PTPRG: variants seen among roughly 807,000 people sequenced by gnomAD.
The protein encoded by PTPRG is receptor-type tyrosine-protein phosphatase gamma.
A neutral mutation model predicts 165.3 loss-of-function variants in PTPRG; 102 were observed. The observed-to-expected ratio is 0.62, with a 90% CI of 0.53 to 0.73. PTPRG has a LOEUF of 0.73. PTPRG is among the 30% of genes least tolerant of loss of function. The pLI, the probability that PTPRG is intolerant of heterozygous loss-of-function variation, is 0.00. For missense variants in PTPRG, 1,866 were observed against 1,861.4 expected (o/e 1.00, Z -0.05); for synonymous variants, 675 against 669.5 (o/e 1.01, Z -0.13).
chr3:61,677,191 G>A (rs1181285115), intron 1 of PTPRG, among the ~76,000 whole-genome samples: 1 of 145,562 alleles, frequency 6.9e-6, no homozygotes, highest in Non-Finnish European at 1.5e-5. Context: ...GTTGCAGTGA[G>A]CCCAGATCGC....
At position 61,794,244 on chromosome 3, in the gene PTPRG, TG is replaced by T. The variant is rs375819376; in HGVS notation, c.190+45268del. 2.5e-4 allele frequency among the ~76,000 whole-genome samples: 38 copies of T among 152,280 alleles called. 1 individual carries two copies. In the South Asian group the frequency reaches 6.8e-3, roughly 27 times the overall value. On this transcript the variant is annotated intron_variant, in intron 2 of 29. Transcript: ENST00000474889. ...TGTATAATTATTATGGACTTGTGTG[TG>T]GGGGGTATCTTTTTCTTAAGGATGT...
chr3:62,068,593 A>C (rs1701098712), intron 4 of PTPRG, among the ~76,000 whole-genome samples: 1 of 152,172 alleles, frequency 6.6e-6, no homozygotes, highest in Admixed American at 6.5e-5. Flanking sequence ...CTCCTGCCTC[A>C]GCCTCCTGAG....
Position 62,203,980 on chromosome 3 carries a change from C to T in PTPRG, c.2155+30C>T, listed in dbSNP as rs770062260. 7 of 1,522,200 alleles carry T rather than the reference C, an allele frequency of 4.6e-6. No homozygotes were observed. The highest frequency in any genetic ancestry group is 4.4e-6 in the Non-Finnish European group (5 of 1,134,152). 94.3% of individuals were successfully genotyped at this position (1,522,200 alleles called of 1,614,324 possible). ...GTGGTGCAGGTCTTCTTCGAGGGTT[C>T]CTGCTCCTGTGAATAGTCGTACCCT... On this transcript the variant is annotated intron_variant, in intron 12 of 29. Coordinates refer to ENST00000474889, the MANE Select transcript of PTPRG (RefSeq NM_002841.4). This position sits in a 1 kb window ranked among gnomAD's most constrained non-coding sequence, Gnocchi z 6.4.
chr3:61,653,330 T>TC (rs1318910939), intron 1 of PTPRG, among the ~76,000 whole-genome samples: 1 of 152,188 alleles, frequency 6.6e-6, no homozygotes, highest in Non-Finnish European at 1.5e-5. Context: ...CCTTTTTTTT[T>TC]CCAGCATGGT....
intron 5 of PTPRG, among the ~76,000 whole-genome samples, chr3:62,123,685 T>A (rs1280989312): frequency 6.6e-6 from 1 of 152,110 alleles, no homozygotes; most frequent in African/African-American, 2.4e-5. Context: ...GAAATAGACA[T>A]CTCTGCCACT....
intron 1 of PTPRG, among the ~76,000 whole-genome samples, chr3:61,646,875 G>A (rs187566401): frequency 1.2e-4 from 19 of 152,166 alleles, no homozygotes; most frequent in South Asian, 6.2e-4. Flanking sequence ...GAAATCATAC[G>A]GTACATAACC....
rs146404315 is a variant in PTPRG at position 61,950,986 on chromosome 3, C to T, written c.191-38639C>T. On this transcript the variant is annotated intron_variant, in intron 2 of 29. Coordinates refer to ENST00000474889, the MANE Select transcript of PTPRG (RefSeq NM_002841.4). Reference sequence around the variant, plus strand: ...CCCAAGACATGCCATCGCTCCCTTTCAGCCCATTGGCTCTGTGGAATTTTC... The same window carrying T: ...CCCAAGACATGCCATCGCTCCCTTTTAGCCCATTGGCTCTGTGGAATTTTC... Among the ~76,000 whole-genome samples the T allele has an allele frequency of 1.2e-4, 18 of 152,332 alleles. No homozygotes were observed. In the East Asian group the frequency reaches 3.5e-3, roughly 29 times the overall value.
At position 62,039,245 on chromosome 3, in the gene PTPRG, G is replaced by GT. The variant is rs11346667; in HGVS notation, c.519+35759dup. ...CCACCACCCCTAGCCAAGAGTTATG[G>GT]TTTTTTTTTTTGGTTTTGTTTTTGT... On this transcript the variant is annotated intron_variant, in intron 4 of 29. Transcript: ENST00000474889. Among the ~76,000 whole-genome samples, 100 of 144,626 alleles carry GT rather than the reference G, an allele frequency of 6.9e-4. 1 individual carries two copies. Among genetic ancestry groups the GT allele is most frequent in the East Asian group, 2.9e-3 (14 of 4,878 alleles). The allele number at this position is 144,626 out of a possible 152,430, so 94.9% of individuals were successfully genotyped here.
chr3:62,004,723 C>T (rs2041255099), intron 4 of PTPRG, among the ~76,000 whole-genome samples: 1 of 152,182 alleles, frequency 6.6e-6, no homozygotes. Flanking sequence ...AGTAACAGTT[C>T]CAGCCGATGG....
intron 1 of PTPRG, among the ~76,000 whole-genome samples, chr3:61,728,383 A>T (rs1030950977): frequency 1.3e-5 from 2 of 152,178 alleles, no homozygotes; most frequent in Admixed American, 1.3e-4. Context: ...GGAGCTCAAG[A>T]CCAGCCTGGT....
intron 8 of PTPRG, among the ~76,000 whole-genome samples, chr3:62,187,926 G>C (rs562598353): frequency 1.3e-5 from 2 of 152,162 alleles, no homozygotes; most frequent in Non-Finnish European, 2.9e-5. Context: ...TCCTGTTAGA[G>C]CGAGGCCAGA....
intron 28 of PTPRG, among the ~76,000 whole-genome samples, chr3:62,284,200 C>T (rs1402776537): frequency 6.6e-6 from 1 of 151,980 alleles, no homozygotes; most frequent in African/African-American, 2.4e-5. Context: ...CAGTAATGCA[C>T]CTAATCTTAT....
chr3:62,083,092 T>A (rs1701633477), intron 5 of PTPRG, among the ~76,000 whole-genome samples: 1 of 152,220 alleles, frequency 6.6e-6, no homozygotes, highest in Admixed American at 6.5e-5. Context: ...AATAAATACT[T>A]GTTTAGTTGA....
chr3:62,112,615 A>G (rs1287481710), intron 5 of PTPRG, among the ~76,000 whole-genome samples: 1 of 152,244 alleles, frequency 6.6e-6, no homozygotes, highest in East Asian at 1.9e-4. Context: ...TGAGGAACAG[A>G]TTGCTTCTAG....
intron 6 of PTPRG, among the ~76,000 whole-genome samples, chr3:62,136,615 G>A (rs1193122297): frequency 6.6e-6 from 1 of 152,204 alleles, no homozygotes; most frequent in African/African-American, 2.4e-5. Context: ...CCCACGTGTT[G>A]TGGGAGGGAC....
At chr3:61,807,563 A>T (rs2035452714) in intron 2 of PTPRG, among the ~76,000 whole-genome samples, 1 of 152,162 alleles carries the variant, frequency 6.6e-6, no homozygotes, top group African/African-American at 2.4e-5. Context: ...TAGTTAGCTG[A>T]ATTTTATATT....
intron 4 of PTPRG, among the ~76,000 whole-genome samples, chr3:62,012,911 G>T (rs548186059): frequency 6.6e-6 from 1 of 152,140 alleles, no homozygotes; most frequent in Non-Finnish European, 1.5e-5. Flanking sequence ...GTGCAAAAGG[G>T]TATACTTTTT....
chr3:61,663,744 C>T (rs1447491703), intron 1 of PTPRG, among the ~76,000 whole-genome samples: 7 of 152,174 alleles, frequency 4.6e-5, no homozygotes, highest in African/African-American at 1.7e-4. Context: ...GAGACAGTGA[C>T]AGATCATCAG....
intron 4 of PTPRG, among the ~76,000 whole-genome samples, chr3:62,065,780 G>A (rs1700992019): frequency 6.6e-6 from 1 of 152,150 alleles, no homozygotes; most frequent in Non-Finnish European, 1.5e-5. Context: ...CACCAGAAAT[G>A]ATAAGATGAC....
Sources: allele counts gnomAD v4.1 joint callset (sites outside exome capture counted in the v4.1 genomes callset), GRCh38; gene constraint gnomAD v4.1.1; non-coding constraint Gnocchi (gnomAD v3.1); transcripts MANE v1.5; gene names NCBI Gene and HGNC (gene_info 2026-07-23, HGNC 2026-07-21).